FYB1: variants seen among roughly 807,000 people sequenced by gnomAD.
FYB1 encodes the protein FYN-binding protein 1.
A neutral mutation model predicts 94.1 loss-of-function variants in FYB1; 41 were observed. The observed-to-expected ratio is 0.44, with a 90% CI of 0.34 to 0.57. FYB1 has a LOEUF of 0.57. Ranked by LOEUF, FYB1 falls within the 20% of genes least tolerant of loss-of-function variation. The pLI, the probability that FYB1 is intolerant of heterozygous loss-of-function variation, is 0.02. For synonymous variants in FYB1, 367 were observed against 353.2 expected (o/e 1.04, Z -0.44); for missense variants, 1,050 against 976.8 (o/e 1.07, Z -1.00).
intron 1 of FYB1, among the ~76,000 whole-genome samples, chr5:39,247,692 A>G (rs1005226958): frequency 1.3e-5 from 2 of 151,870 alleles, no homozygotes; most frequent in Non-Finnish European, 2.9e-5. Flanking sequence ...GTGACATTTC[A>G]CCATTTTTGA....
chr5:39,230,021 C>T (rs1474584338), intron 1 of FYB1, among the ~76,000 whole-genome samples: 1 of 152,156 alleles, frequency 6.6e-6, no homozygotes, highest in Non-Finnish European at 1.5e-5. Flanking sequence ...CTACTTTATA[C>T]TGTTTCCAAC....
chr5:39,187,713 A>G (rs971204259), intron 2 of FYB1, among the ~76,000 whole-genome samples: 1 of 152,190 alleles, frequency 6.6e-6, no homozygotes, highest in Non-Finnish European at 1.5e-5. Flanking sequence ...CTCCATCGCC[A>G]TTATGGCCTT....
In FYB1 at chr5:39,153,438, T is replaced by G; in HGVS notation, c.1292+10A>C. 1 of 1,613,118 alleles carries G rather than the reference T, an allele frequency of 6.2e-7. No individual in the cohort carries two copies. Among genetic ancestry groups the G allele is most frequent in the Non-Finnish European group, 8.5e-7 (1 of 1,179,284 alleles). On this transcript the variant is annotated intron_variant, in intron 3 of 18. Transcript: ENST00000512982. The stretch of plus-strand genomic sequence containing the variant: ...CTAGGAAAGAAATCGCAAGATAATC[T>G]TTTGCTTACTTTAGGTCAAACGGAG...
rs531892150 is a variant in FYB1, at chr5:39,207,323, TAGA to T, written c.-27-4339_-27-4337del. On this transcript the variant is annotated intron_variant, in intron 1 of 18. Coordinates refer to ENST00000512982, the MANE Select transcript of FYB1 (RefSeq NM_001465.6). Reference sequence around the variant, plus strand: ...GATTTAATAGTAGAAAATCTCTTCATAGAAATTAATTTCCTTTAGCCCCCATAT... The same window carrying T: ...GATTTAATAGTAGAAAATCTCTTCATAATTAATTTCCTTTAGCCCCCATAT... Among the ~76,000 whole-genome samples the T allele has an allele frequency of 7.2e-5, 11 of 152,354 alleles. No individual in the cohort carries two copies. In the South Asian group the frequency reaches 2.3e-3, roughly 32 times the overall value.
chr5:39,160,450 T>G (rs1226380940), intron 2 of FYB1, among the ~76,000 whole-genome samples: 1 of 151,718 alleles, frequency 6.6e-6, no homozygotes, highest in Non-Finnish European at 1.5e-5. Flanking sequence ...GAAGTTTAAA[T>G]CCCTAGATCT....
At chr5:39,219,143 C>T (rs545334439) in intron 1 of FYB1, among the ~76,000 whole-genome samples, 64 of 152,302 alleles carry the variant, frequency 4.2e-4, no homozygotes, top group South Asian at 1.4e-3. Flanking sequence ...CGTTATTTAA[C>T]GCTAGTGGCA....
At chr5:39,256,864 A>T (rs1751965209) in intron 1 of FYB1, among the ~76,000 whole-genome samples, 1 of 152,212 alleles carries the variant, frequency 6.6e-6, no homozygotes, top group South Asian at 2.1e-4. Flanking sequence ...CTTGTGATAA[A>T]GTGAATGTAA....
At chr5:39,160,391 T>C (rs1427723237) in intron 2 of FYB1, among the ~76,000 whole-genome samples, 1 of 152,210 alleles carries the variant, frequency 6.6e-6, no homozygotes, top group Non-Finnish European at 1.5e-5. Context: ...AAATTAGTCA[T>C]GTCTAATCCT....
At chr5:39,124,990 A>G (rs1349342085) in intron 12 of FYB1, among the ~76,000 whole-genome samples, 5 of 151,614 alleles carry the variant, frequency 3.3e-5, no homozygotes, top group Admixed American at 6.6e-5. Context: ...AGAATGGTGC[A>G]CAGAACAGAA....
intron 1 of FYB1, among the ~76,000 whole-genome samples, chr5:39,234,603 T>G (rs1332146804): frequency 6.6e-6 from 1 of 152,164 alleles, no homozygotes; most frequent in Non-Finnish European, 1.5e-5. Context: ...ATATGTTTAT[T>G]GCAGCACTAT....
At position 39,169,612 on chromosome 5, in the gene FYB1, AGGCGGGTGGATTACCT is replaced by A. The variant is rs1745063107; in HGVS notation, c.1136-16024_1136-16009del. 17 of 452,132 alleles carry A rather than the reference AGGCGGGTGGATTACCT, an allele frequency of 3.8e-5. No homozygotes were observed. In the Admixed American group the frequency reaches 4.1e-4, roughly 11 times the overall value. The allele number at this position is 452,132 out of a possible 1,614,324, so 28.0% of individuals were successfully genotyped here. A position where few individuals can be genotyped will look rare whatever the true frequency, so the allele number is the denominator to read the frequency against. Reference sequence around the variant, plus strand: ...GTAATCCCAGCACTTTGGGAGGCCGAGGCGGGTGGATTACCTGAGGTCAGGAGTTCGAGACCAGTCT... The same window carrying A: ...GTAATCCCAGCACTTTGGGAGGCCGAGAGGTCAGGAGTTCGAGACCAGTCT... On this transcript the variant is annotated intron_variant, in intron 2 of 18. Coordinates refer to ENST00000512982, the MANE Select transcript of FYB1 (RefSeq NM_001465.6).
rs533820138 is a variant in FYB1 at position 39,138,885 on chromosome 5, T to C, written c.1360-194A>G. The C allele has an allele frequency of 1.8e-5, 11 of 625,762 alleles. No individual in the cohort carries two copies. In the South Asian group the frequency reaches 1.9e-4, roughly 11 times the overall value. 38.8% of individuals were successfully genotyped at this position (625,762 alleles called of 1,614,324 possible). ...ATTTTTGAAAGAATAATTCAAATACTCAGTAAAACAACTATTGTATGTAAG... is the reference window on the plus strand; with the variant it reads ...ATTTTTGAAAGAATAATTCAAATACCCAGTAAAACAACTATTGTATGTAAG... On this transcript the variant is annotated intron_variant, in intron 5 of 18. Transcript: ENST00000512982.
chr5:39,188,677 G>A (rs183001790), intron 2 of FYB1, among the ~76,000 whole-genome samples: 38 of 151,518 alleles, frequency 2.5e-4, no homozygotes, highest in Admixed American at 1.4e-3. Context: ...GGTTACAGGC[G>A]CCTGCCACCA....
At chr5:39,218,306 C>T (rs1454339530) in intron 1 of FYB1, among the ~76,000 whole-genome samples, 2 of 152,102 alleles carry the variant, frequency 1.3e-5, no homozygotes, top group Non-Finnish European at 2.9e-5. Flanking sequence ...TTGGAAAGAG[C>T]ACCCTTATCC....
intron 1 of FYB1, among the ~76,000 whole-genome samples, chr5:39,265,102 G>A (rs540126039): frequency 4.3e-4 from 65 of 152,252 alleles, no homozygotes; most frequent in Middle Eastern, 3.4e-3. Flanking sequence ...TTGGGAGGCC[G>A]AGGTGGGTGG....
Position 39,252,936 on chromosome 5 carries a change from A to G in FYB1, c.-28+21467T>C, listed in dbSNP as rs563420728. Among the ~76,000 whole-genome samples, 13 of 152,340 alleles carry G rather than the reference A, an allele frequency of 8.5e-5. No homozygotes were observed. In the East Asian group the frequency reaches 1.9e-3, roughly 23 times the overall value. On this transcript the variant is annotated intron_variant, in intron 1 of 1. Coordinates refer to the FYB1 transcript ENST00000510188. ...CTTACAACTGTGTCTGGCATAGGGG[A>G]AGCACTTAGTAAAATGTTAGCAATT... is the stretch of plus-strand genomic sequence containing the variant.
At chr5:39,213,190 T>C (rs540572572) in intron 1 of FYB1, among the ~76,000 whole-genome samples, 28 of 152,270 alleles carry the variant, frequency 1.8e-4, no homozygotes, top group African/African-American at 6.5e-4. Context: ...CCAATTAGTT[T>C]TTAGTGTTAT....
intron 1 of FYB1, among the ~76,000 whole-genome samples, chr5:39,251,749 T>C (rs926778570): frequency 6.6e-6 from 1 of 152,018 alleles, no homozygotes; most frequent in African/African-American, 2.4e-5. Flanking sequence ...CATCAGTAAA[T>C]GTTGTGAAAA....
At chr5:39,180,925 A>G (rs755433571) in intron 2 of FYB1, among the ~76,000 whole-genome samples, 2 of 152,204 alleles carry the variant, frequency 1.3e-5, no homozygotes, top group Non-Finnish European at 2.9e-5. Flanking sequence ...TATATAAAAG[A>G]TTACTTTTCC....
Sources: gnomAD v4.1 joint callset for allele counts (sites outside exome capture counted in the v4.1 genomes callset) on GRCh38, gnomAD v4.1.1 for gene constraint, MANE v1.5 for transcripts, NCBI Gene and HGNC (gene_info 2026-07-23, HGNC 2026-07-21) for gene names.